Variants in NUBPL observed in about 807,000 individuals in gnomAD.
NUBPL encodes iron-sulfur cluster transfer protein NUBPL.
In NUBPL, 31 loss-of-function variants were observed where a neutral mutation model predicts 45.7. The observed-to-expected ratio is 0.68, with a 90% CI of 0.51 to 0.92. The LOEUF (loss-of-function observed/expected upper bound fraction) is 0.92. NUBPL is among the 40% of genes least tolerant of loss of function. The pLI is 0.00. For synonymous variants in NUBPL, 144 were observed against 140.9 expected (o/e 1.02, Z -0.15); for missense variants, 401 against 398.7 (o/e 1.01, Z -0.05).
At chr14:31,597,226 A>G (rs914278680) in intron 3 of NUBPL, among the ~76,000 whole-genome samples, 3 of 152,162 alleles carry the variant, frequency 2.0e-5, no homozygotes, top group African/African-American at 7.2e-5. Context: ...AATATGTAGA[A>G]TATTGTCAGT....
chr14:31,789,656 A>G (rs959179299), intron 7 of NUBPL, among the ~76,000 whole-genome samples: 7 of 152,160 alleles, frequency 4.6e-5, no homozygotes, highest in Admixed American at 3.9e-4. Context: ...AATTAGTTAT[A>G]TACTGATTAC....
chr14:31,683,639 C>G (rs543509487), intron 6 of NUBPL, among the ~76,000 whole-genome samples: 1 of 152,258 alleles, frequency 6.6e-6, no homozygotes, highest in South Asian at 2.1e-4. Context: ...GCGTGAGCCA[C>G]CGCGCCCGGC....
intron 6 of NUBPL, among the ~76,000 whole-genome samples, chr14:31,730,911 C>T: frequency 6.6e-6 from 1 of 151,802 alleles, no homozygotes; most frequent in South Asian, 2.1e-4. Flanking sequence ...ATTCAGTGCA[C>T]AGGCAAAGAT....
At chr14:31,720,409 TTGTC>T (rs993351141) in intron 6 of NUBPL, among the ~76,000 whole-genome samples, 3 of 152,220 alleles carry the variant, frequency 2.0e-5, no homozygotes, top group African/African-American at 7.2e-5. Context: ...TATTTTTTCA[TTGTC>T]TGTGGCATAA....
At chr14:31,611,765 T>C (rs1224463560) in intron 4 of NUBPL, among the ~76,000 whole-genome samples, 1 of 151,994 alleles carries the variant, frequency 6.6e-6, no homozygotes, top group Non-Finnish European at 1.5e-5. Flanking sequence ...GAAACAAATA[T>C]ACACACCTGC....
chr14:31,718,991 G>GT (rs1478174911), intron 6 of NUBPL, among the ~76,000 whole-genome samples: 3 of 152,086 alleles, frequency 2.0e-5, no homozygotes, highest in Non-Finnish European at 4.4e-5. Flanking sequence ...TGAAAATATC[G>GT]TAAGTCAAAA....
chr14:31,672,046 T>C (rs1050801594), intron 4 of NUBPL, among the ~76,000 whole-genome samples: 1 of 152,192 alleles, frequency 6.6e-6, no homozygotes, highest in Non-Finnish European at 1.5e-5. Context: ...ATTGCATAGA[T>C]AGTTTGATAA....
chr14:31,826,783 A>G, intron 8 of NUBPL, 69 bp downstream of exon 8: 3 of 1,401,810 alleles, frequency 2.1e-6, no homozygotes, highest in Non-Finnish European at 3.0e-6. Flanking sequence ...TCATTGAAAA[A>G]TACAGTTGAA....
At chr14:31,599,004 A>G (rs925622044) in intron 3 of NUBPL, among the ~76,000 whole-genome samples, 2 of 152,306 alleles carry the variant, frequency 1.3e-5, no homozygotes, top group African/African-American at 2.4e-5. Context: ...GCTTGAGACT[A>G]TATGAGAGAC....
At chr14:31,605,266 T>C (rs967734908) in intron 4 of NUBPL, among the ~76,000 whole-genome samples, 1 of 152,212 alleles carries the variant, frequency 6.6e-6, no homozygotes, top group East Asian at 1.9e-4. Flanking sequence ...ATCTCTCTCT[T>C]AGTAGATATT....
chr14:31,670,291 G>A (rs111255149), intron 4 of NUBPL, among the ~76,000 whole-genome samples: 250 of 152,234 alleles, frequency 1.6e-3, no homozygotes, highest in African/African-American at 5.7e-3. Flanking sequence ...TTTGAGAAGT[G>A]TCTTTTCATG....
chr14:31,599,208 C>CT, intron 3 of NUBPL, 81 bp from the exon 4 acceptor site: 1 of 1,053,812 alleles, frequency 9.5e-7, no homozygotes, highest in Admixed American at 1.7e-5. Flanking sequence ...TTGCTATATG[C>CT]TTCACCTTTG....
intron 6 of NUBPL, among the ~76,000 whole-genome samples, chr14:31,693,800 T>TTA (rs2037145155): frequency 1.1e-5 from 1 of 94,602 alleles, no homozygotes; most frequent in African/African-American, 4.1e-5. Context: ...AAGACAAAAT[T>TTA]AAAAAAAAAA....
intron 6 of NUBPL, among the ~76,000 whole-genome samples, chr14:31,694,413 T>C (rs1374642924): frequency 6.6e-6 from 1 of 152,364 alleles, no homozygotes; most frequent in Middle Eastern, 3.4e-3. Flanking sequence ...GGGCATTTTT[T>C]CACTCATTTA....
intron 3 of NUBPL, among the ~76,000 whole-genome samples, chr14:31,573,053 GT>G (rs1351785708): frequency 3.9e-5 from 6 of 152,194 alleles, no homozygotes; most frequent in Non-Finnish European, 8.8e-5. Flanking sequence ...TGAGTGGTGA[GT>G]GAATGTGAAG....
intron 4 of NUBPL, among the ~76,000 whole-genome samples, chr14:31,639,892 G>A (rs1022883682): frequency 6.7e-6 from 1 of 148,988 alleles, no homozygotes; most frequent in Non-Finnish European, 1.5e-5. Flanking sequence ...TTATATCCAG[G>A]TGCGGGATAT....
At chr14:31,690,463 G>A (rs1336195262) in intron 6 of NUBPL, among the ~76,000 whole-genome samples, 1 of 152,158 alleles carries the variant, frequency 6.6e-6, no homozygotes, top group Non-Finnish European at 1.5e-5. Context: ...GAAAGGTGCT[G>A]AACTGGTCTT....
intron 3 of NUBPL, among the ~76,000 whole-genome samples, chr14:31,573,596 CTTCCA>C (rs2033645107): frequency 6.6e-6 from 1 of 152,184 alleles, no homozygotes; most frequent in African/African-American, 2.4e-5. Context: ...CATACAGTTA[CTTCCA>C]TTCCCAAATC....
chr14:31,823,365 T>C (rs1439560206), intron 7 of NUBPL, among the ~76,000 whole-genome samples: 1 of 152,102 alleles, frequency 6.6e-6, no homozygotes, highest in Non-Finnish European at 1.5e-5. Flanking sequence ...ATACAAATAG[T>C]AGACAAAAAG....
Sources: gnomAD v4.1 joint callset for allele counts (sites outside exome capture counted in the v4.1 genomes callset) on GRCh38, gnomAD v4.1.1 for gene constraint, MANE v1.5 for transcripts, NCBI Gene and HGNC (gene_info 2026-07-23, HGNC 2026-07-21) for gene names.